Variants in SMOX observed in about 807,000 individuals in gnomAD.
SMOX encodes spermine oxidase.
A neutral mutation model predicts 51.0 loss-of-function variants in SMOX; 22 were observed. The observed-to-expected ratio is 0.43, with a 90% CI of 0.31 to 0.62. The LOEUF is 0.62. Ranked by LOEUF, SMOX falls within the 20% of genes least tolerant of loss-of-function variation. The pLI, the probability that SMOX is intolerant of heterozygous loss-of-function variation, is 0.10. For synonymous variants in SMOX, 282 were observed against 307.8 expected (o/e 0.92, Z 0.88); for missense variants, 566 against 777.7 (o/e 0.73, Z 3.24).
chr20:4,168,382 A>G (rs1986663397), intron 1 of SMOX, among the ~76,000 whole-genome samples: 1 of 152,126 alleles, frequency 6.6e-6, no homozygotes, highest in African/African-American at 2.4e-5. Context: ...AAGGGGAGCC[A>G]GGCAAAGTGA....
In SMOX at chr20:4,166,790, TCAATG is replaced by T; in HGVS notation, c.-26-8239_-26-8235del. Among the ~76,000 whole-genome samples the T allele has an allele frequency of 6.6e-6, 1 of 152,216 alleles. No individual in the cohort carries two copies. Among genetic ancestry groups the T allele is most frequent in the East Asian group, 1.9e-4 (1 of 5,192 alleles). ...TGGCTCTGTCCCTCCATGCACTGAA[TCAATG>T]GCTGCTTCTCCTTGCAACACATGCC... On this transcript the variant is annotated intron_variant, in intron 1 of 6. Coordinates refer to ENST00000305958, the MANE Select transcript of SMOX (RefSeq NM_175839.3). This position sits in a 1 kb window ranked among gnomAD's most constrained non-coding sequence, Gnocchi z 4.2.
chr20:4,168,560 C>CTT (rs543089733), intron 1 of SMOX, among the ~76,000 whole-genome samples: 2 of 144,768 alleles, frequency 1.4e-5, no homozygotes, highest in Admixed American at 6.9e-5. Flanking sequence ...CTCTCTCTCT[C>CTT]TTTTTTTTTT....
Position 4,183,366 on chromosome 20 carries a change from C to G in SMOX, c.1370-128C>G. 1 of 1,380,888 alleles carries G rather than the reference C, an allele frequency of 7.2e-7. No homozygotes were observed. The highest frequency in any genetic ancestry group is 1.0e-6 in the Non-Finnish European group (1 of 978,082). The allele number at this position is 1,380,888 out of a possible 1,614,324, so 85.5% of individuals were successfully genotyped here. On this transcript the variant is annotated intron_variant, in intron 5 of 6. Coordinates refer to ENST00000305958, the MANE Select transcript of SMOX (RefSeq NM_175839.3). The surrounding 1 kb of genome is among the most constrained non-coding windows in gnomAD (Gnocchi z 4.3). ...CCTCCTTCCTCTTCTATCCTCCGTGCCTACCCCTGGCAGTCTGGTCCTCCC... is the reference window on the plus strand; with the variant it reads ...CCTCCTTCCTCTTCTATCCTCCGTGGCTACCCCTGGCAGTCTGGTCCTCCC...
In SMOX at chr20:4,187,571, T is replaced by A; in HGVS notation, c.*164T>A. On this transcript the variant is annotated 3_prime_UTR_variant, in exon 7 of 7. Coordinates refer to ENST00000305958, the MANE Select transcript of SMOX (RefSeq NM_175839.3). This position sits in a 1 kb window ranked among gnomAD's most constrained non-coding sequence, Gnocchi z 4.8. ...GACCTGGCCCTGTAGCTTTTCTTTTTCTCCAGGCTGGGCCGTGAGCAGGTG... is the reference window on the plus strand; with the variant it reads ...GACCTGGCCCTGTAGCTTTTCTTTTACTCCAGGCTGGGCCGTGAGCAGGTG... 1.9e-6 allele frequency: 2 copies of A among 1,060,792 alleles called. No homozygotes were observed. Among genetic ancestry groups the A allele is most frequent in the African/African-American group, 1.6e-5 (1 of 62,924 alleles). 65.7% of individuals were successfully genotyped at this position (1,060,792 alleles called of 1,614,324 possible).
At chr20:4,157,428 G>A (rs933836415) in intron 1 of SMOX, among the ~76,000 whole-genome samples, 3 of 152,162 alleles carry the variant, frequency 2.0e-5, no homozygotes, top group Non-Finnish European at 2.9e-5. Flanking sequence ...GAAGAAAGAG[G>A]GTGTGGGTAG....
chr20:4,172,067 G>A lies in SMOX; in HGVS notation c.-26-2963G>A, dbSNP rs1320164195. Among the ~76,000 whole-genome samples the A allele has an allele frequency of 1.3e-5, 2 of 152,218 alleles. No individual in the cohort carries two copies. Among genetic ancestry groups the A allele is most frequent in the Admixed American group, 6.5e-5 (1 of 15,286 alleles). On this transcript the variant is annotated intron_variant, in intron 1 of 6. Coordinates refer to ENST00000305958, the MANE Select transcript of SMOX (RefSeq NM_175839.3). The surrounding 1 kb of genome is among the most constrained non-coding windows in gnomAD (Gnocchi z 7.7). Reference sequence around the variant, plus strand: ...AGAGGTGGTGCTCCAGGGAGCCTGGGGTGAGGGGGACCCCCAGTTTAATAC... The same window carrying A: ...AGAGGTGGTGCTCCAGGGAGCCTGGAGTGAGGGGGACCCCCAGTTTAATAC...
intron 1 of SMOX, among the ~76,000 whole-genome samples, chr20:4,151,224 G>A (rs1985739788): frequency 6.6e-6 from 1 of 151,972 alleles, no homozygotes; most frequent in South Asian, 2.1e-4. Context: ...TCTCAAGCCT[G>A]CCCTCTGTGC....
At chr20:4,150,327 A>G (rs1600788279) in intron 1 of SMOX, among the ~76,000 whole-genome samples, 1 of 152,124 alleles carries the variant, frequency 6.6e-6, no homozygotes, top group Non-Finnish European at 1.5e-5. Flanking sequence ...CTTCACTGAA[A>G]CAGCCTCAGC....
intron 2 of SMOX, among the ~76,000 whole-genome samples, chr20:4,176,344 G>A (rs1259692640): frequency 1.3e-5 from 2 of 152,082 alleles, no homozygotes; most frequent in African/African-American, 2.4e-5. Context: ...CATACCTAAA[G>A]TTGTCCCTTT....
At chr20:4,163,232 A>C (rs1460581115) in intron 1 of SMOX, among the ~76,000 whole-genome samples, 1 of 151,180 alleles carries the variant, frequency 6.6e-6, no homozygotes, top group African/African-American at 2.4e-5. Flanking sequence ...GTTGGGCCCC[A>C]CCCCAGAGAG....
chr20:4,181,451 C>T lies in SMOX; in HGVS notation c.436-352C>T, dbSNP rs1979312955. Among the ~76,000 whole-genome samples the T allele has an allele frequency of 6.6e-6, 1 of 152,238 alleles. No individual in the cohort carries two copies. The highest frequency in any genetic ancestry group is 6.5e-5 in the Admixed American group (1 of 15,282). The stretch of plus-strand genomic sequence containing the variant: ...AGGTAAATGTGTGCAAATGCCCATC[C>T]TCCAGTGGGAGGTGGAGCCCATGGA... On this transcript the variant is annotated intron_variant, in intron 3 of 6. Coordinates refer to ENST00000305958, the MANE Select transcript of SMOX (RefSeq NM_175839.3). The surrounding 1 kb of genome is among the most constrained non-coding windows in gnomAD (Gnocchi z 5.6).
rs11386199 is a variant in SMOX at position 4,176,019 on chromosome 20, G to GTT, written c.208+774_208+775dup. ...GTGGCTACATTGATCCTCTAGAGGA[G>GTT]TTTTTTTTTTTTTTTTTTTGAGACA... On this transcript the variant is annotated intron_variant, in intron 2 of 6. Transcript: ENST00000305958. The GTT allele has an allele frequency of 1.6e-3, 187 of 114,418 alleles. 6 individuals are homozygous for GTT. The highest frequency in any genetic ancestry group is 2.3e-3 in the Non-Finnish European group (128 of 56,434). 7.1% of individuals were successfully genotyped at this position (114,418 alleles called of 1,614,324 possible). A position where few individuals can be genotyped will look rare whatever the true frequency, so the allele number is the denominator to read the frequency against.
chr20:4,185,265 C>T (rs1457699859), intron 6 of SMOX, among the ~76,000 whole-genome samples: 1 of 151,616 alleles, frequency 6.6e-6, no homozygotes, highest in Non-Finnish European at 1.5e-5. Flanking sequence ...CACTTGAGCC[C>T]AGGAGGTCAA....
chr20:4,156,189 G>A (rs1986014291), intron 1 of SMOX, among the ~76,000 whole-genome samples: 1 of 152,184 alleles, frequency 6.6e-6, no homozygotes, highest in African/African-American at 2.4e-5. Flanking sequence ...ACTGTTTAGT[G>A]TTTCCCAGCC....
At chr20:4,165,068 T>TTTTTTG (rs1986508234) in intron 1 of SMOX, among the ~76,000 whole-genome samples, 1 of 146,322 alleles carries the variant, frequency 6.8e-6, no homozygotes, top group Non-Finnish European at 1.5e-5. Context: ...TTTTTTTTTT[T>TTTTTTG]TTTTGAGACA....
At chr20:4,184,641 G>A (rs1190862741) in intron 6 of SMOX, among the ~76,000 whole-genome samples, 1 of 152,154 alleles carries the variant, frequency 6.6e-6, no homozygotes, top group Admixed American at 6.5e-5. Flanking sequence ...GTGAAGAAGA[G>A]TTCAGTCAAC....
Position 4,177,228 on chromosome 20 carries a change from T to A in SMOX, c.209-123T>A. The A allele has an allele frequency of 1.2e-6, 1 of 861,570 alleles. No homozygotes were observed. Among genetic ancestry groups the A allele is most frequent in the South Asian group, 1.8e-5 (1 of 55,316 alleles). The allele number at this position is 861,570 out of a possible 1,614,324, so 53.4% of individuals were successfully genotyped here. A position where few individuals can be genotyped will look rare whatever the true frequency, so the allele number is the denominator to read the frequency against. ...TTCGTTGGTTGCCAGCAGTGGAAGT[T>A]CAAGCTCTTTCCTGCCCTGTTGTAG... On this transcript the variant is annotated intron_variant, in intron 2 of 6. Transcript: ENST00000305958. The surrounding 1 kb of genome is among the most constrained non-coding windows in gnomAD (Gnocchi z 4.3).
rs949008536 is a variant in SMOX, at chr20:4,177,474, G to A, written c.332G>A (p.Arg111His). The part of the protein sequence containing the change: ...ETTDGERSVG[R>H]ISLYSKNGVA... ...ACCGATGGGGAACGCAGCGTGGGCC[G>A]CATCAGCCTCTATTCCAAGAATGGC... The change falls in exon 3 of 7, where the codon CGC (arginine) becomes CAC (histidine). Residue 111 changes from arginine (R) to histidine (H), a missense_variant. Coordinates refer to ENST00000305958, the MANE Select transcript of SMOX (RefSeq NM_175839.3). The surrounding 1 kb of genome is among the most constrained non-coding windows in gnomAD (Gnocchi z 4.3). The A allele has an allele frequency of 8.9e-6, 14 of 1,580,280 alleles. No homozygotes were observed. The highest frequency in any genetic ancestry group is 2.3e-5 in the East Asian group (1 of 43,742).
intron 1 of SMOX, among the ~76,000 whole-genome samples, chr20:4,161,140 G>A (rs1025066924): frequency 1.3e-5 from 2 of 152,194 alleles, no homozygotes; most frequent in East Asian, 1.9e-4. Context: ...TAGGGGAGAA[G>A]CCCCACCGGG....
Sources: allele counts gnomAD v4.1 joint callset (sites outside exome capture counted in the v4.1 genomes callset), GRCh38; gene constraint gnomAD v4.1.1; non-coding constraint Gnocchi (gnomAD v3.1); transcripts MANE v1.5; gene names NCBI Gene and HGNC (gene_info 2026-07-23, HGNC 2026-07-21).